The following PTPRM variants were observed in gnomAD, a reference collection of about 807,000 sequenced individuals.
PTPRM encodes receptor-type tyrosine-protein phosphatase mu.
In PTPRM, 47 loss-of-function variants were observed where a neutral mutation model predicts 186.7. That is an observed-to-expected ratio of 0.25 (90% CI 0.20 to 0.32). The LOEUF (loss-of-function observed/expected upper bound fraction) is 0.32. Among genes scored for constraint, PTPRM ranks in the 10% least tolerant of loss-of-function variants. The pLI is 1.00. For missense variants in PTPRM, 1,494 were observed against 1,865.0 expected (o/e 0.80, Z 3.66); for synonymous variants, 668 against 674.9 (o/e 0.99, Z 0.16).
intron 11 of PTPRM, among the ~76,000 whole-genome samples, chr18:8,096,294 G>A (rs2091014006): frequency 2.0e-5 from 3 of 152,216 alleles, no homozygotes; most frequent in Admixed American, 1.3e-4. Flanking sequence ...AAGAACCCAT[G>A]CCTGTCCCTG....
chr18:8,022,997 C>T (rs1011224877), intron 7 of PTPRM, among the ~76,000 whole-genome samples: 2 of 152,126 alleles, frequency 1.3e-5, no homozygotes, highest in Non-Finnish European at 2.9e-5. Context: ...GATGTAGAAA[C>T]GTCCTCTTTA....
At chr18:7,802,186 C>T (rs1385958985) in intron 2 of PTPRM, among the ~76,000 whole-genome samples, 1 of 152,150 alleles carries the variant, frequency 6.6e-6, no homozygotes, top group African/African-American at 2.4e-5. Flanking sequence ...AGGATCATCA[C>T]CTTGGGCAGT....
At chr18:7,582,789 A>G (rs2036879726) in intron 1 of PTPRM, among the ~76,000 whole-genome samples, 1 of 152,196 alleles carries the variant, frequency 6.6e-6, no homozygotes, top group African/African-American at 2.4e-5. Flanking sequence ...CCTTATCTGC[A>G]AATAGGGTCA....
intron 1 of PTPRM, among the ~76,000 whole-genome samples, chr18:7,618,388 A>T (rs2037857045): frequency 6.6e-6 from 1 of 152,160 alleles, no homozygotes; most frequent in Non-Finnish European, 1.5e-5. Flanking sequence ...ATACATTTTA[A>T]AAGAGTATTT....
intron 14 of PTPRM, among the ~76,000 whole-genome samples, chr18:8,188,894 A>T (rs140498310): frequency 1.3e-5 from 2 of 152,222 alleles, no homozygotes; most frequent in African/African-American, 4.8e-5. Flanking sequence ...GCATAAATAT[A>T]AGTCATAAGC....
At chr18:7,682,726 A>G (rs2039506794) in intron 1 of PTPRM, among the ~76,000 whole-genome samples, 1 of 152,214 alleles carries the variant, frequency 6.6e-6, no homozygotes, top group Admixed American at 6.5e-5. Flanking sequence ...AGAAATCACA[A>G]ACATTTGAGG....
chr18:8,165,846 A>G (rs1445185505), intron 14 of PTPRM, among the ~76,000 whole-genome samples: 3 of 152,210 alleles, frequency 2.0e-5, no homozygotes, highest in African/African-American at 7.2e-5. Flanking sequence ...AGAATTGTGC[A>G]GTTCCCCCCT....
chr18:8,000,008 A>C (rs940073594), intron 7 of PTPRM, among the ~76,000 whole-genome samples: 1 of 152,182 alleles, frequency 6.6e-6, no homozygotes, highest in African/African-American at 2.4e-5. Context: ...AAAGAAAAAC[A>C]AAAAACAATG....
At chr18:7,665,232 ACAGT>A (rs565445092) in intron 1 of PTPRM, among the ~76,000 whole-genome samples, 1 of 152,218 alleles carries the variant, frequency 6.6e-6, no homozygotes, top group African/African-American at 2.4e-5. Context: ...GATAGAAATG[ACAGT>A]CAGCCAAGCA....
intron 11 of PTPRM, among the ~76,000 whole-genome samples, chr18:8,092,109 C>T (rs1193749389): frequency 2.0e-5 from 3 of 151,840 alleles, no homozygotes; most frequent in South Asian, 2.1e-4. Flanking sequence ...AGTCGAATTT[C>T]GTTTATGCAC....
chr18:7,696,387 G>A (rs1464139441), intron 1 of PTPRM, among the ~76,000 whole-genome samples: 2 of 152,094 alleles, frequency 1.3e-5, no homozygotes, highest in African/African-American at 4.8e-5. Flanking sequence ...GGTTTCCAGA[G>A]TGTATTTTCA....
At chr18:8,202,934 A>C (rs1030699725) in intron 14 of PTPRM, among the ~76,000 whole-genome samples, 2 of 152,146 alleles carry the variant, frequency 1.3e-5, no homozygotes, top group Non-Finnish European at 2.9e-5. Context: ...CTCTTCTTCC[A>C]TGAAGGGACT....
intron 2 of PTPRM, among the ~76,000 whole-genome samples, chr18:7,798,253 G>A (rs899341689): frequency 1.3e-5 from 2 of 152,082 alleles, no homozygotes; most frequent in African/African-American, 2.4e-5. Flanking sequence ...AAGATGGGCC[G>A]GGCATGGTGG....
chr18:7,969,577 A>G (rs2054391515), intron 7 of PTPRM, among the ~76,000 whole-genome samples: 1 of 147,532 alleles, frequency 6.8e-6, no homozygotes, highest in African/African-American at 2.6e-5. Context: ...TAATAAAGAA[A>G]AAAAGAGAGA....
At chr18:7,731,482 G>A (rs1181886847) in intron 1 of PTPRM, among the ~76,000 whole-genome samples, 1 of 152,088 alleles carries the variant, frequency 6.6e-6, no homozygotes, top group Non-Finnish European at 1.5e-5. Flanking sequence ...GAGTTAGGAG[G>A]GCACCTGAAG....
chr18:7,827,709 C>A (rs928812884), intron 2 of PTPRM, among the ~76,000 whole-genome samples: 4 of 152,188 alleles, frequency 2.6e-5, no homozygotes, highest in Non-Finnish European at 4.4e-5. Flanking sequence ...TTATCTTTAT[C>A]AAGGCTACTC....
intron 7 of PTPRM, among the ~76,000 whole-genome samples, chr18:7,974,183 C>CA (rs2054777277): frequency 6.6e-6 from 1 of 152,158 alleles, no homozygotes; most frequent in Non-Finnish European, 1.5e-5. Context: ...AACTGAGTCA[C>CA]AGCTCATTTT....
intron 7 of PTPRM, among the ~76,000 whole-genome samples, chr18:8,036,322 C>G (rs977214628): frequency 6.2e-4 from 95 of 152,358 alleles, no homozygotes; most frequent in African/African-American, 2.2e-3. Flanking sequence ...CATGCTGAGA[C>G]AGAAGGCAAA....
At chr18:7,745,814 G>A (rs1242182621) in intron 1 of PTPRM, among the ~76,000 whole-genome samples, 3 of 152,204 alleles carry the variant, frequency 2.0e-5, no homozygotes, top group Non-Finnish European at 4.4e-5. Flanking sequence ...AGGAATTGAA[G>A]ACAAGGCTGA....
Sources: gnomAD v4.1 joint callset for allele counts (sites outside exome capture counted in the v4.1 genomes callset) on GRCh38, gnomAD v4.1.1 for gene constraint, MANE v1.5 for transcripts, NCBI Gene and HGNC (gene_info 2026-07-23, HGNC 2026-07-21) for gene names.